Variants in PAXIP1 observed in about 807,000 individuals in gnomAD.
PAXIP1 encodes the protein PAX-interacting protein 1.
A neutral mutation model predicts 140.6 loss-of-function variants in PAXIP1; 19 were observed. The ratio of observed to expected loss-of-function variants is 0.14; its 90% CI spans 0.09 to 0.20. The LOEUF (loss-of-function observed/expected upper bound fraction) is 0.20, where lower values mean the gene tolerates loss of function less well. PAXIP1 is among the 10% of genes least tolerant of loss of function. PAXIP1 has a pLI of 1.00. For missense variants in PAXIP1, 920 were observed against 1,208.6 expected, an observed-to-expected ratio of 0.76 and a Z score of 3.54; for synonymous variants, 442 against 444.6, an observed-to-expected ratio of 0.99 and a Z score of 0.07.
Position 154,998,668 on chromosome 7 carries a change from A to G in PAXIP1, c.198T>C (p.Phe66=). ...TACTGACCTTTACAACAGGTAAGTCAAAGACTTCCCGAGCTTCTCCCACCT... is the reference window on the plus strand; with the variant it reads ...TACTGACCTTTACAACAGGTAAGTCGAAGACTTCCCGAGCTTCTCCCACCT... The part of the protein sequence containing the change: ...NPEVGEAREV[F]DLPVVKPSWV... Residue 66 remains phenylalanine, a synonymous_variant, in exon 2 of 21, where the codon TTT becomes TTC. Coordinates refer to ENST00000404141, the MANE Select transcript of PAXIP1 (RefSeq NM_007349.4). 1 of 1,613,534 alleles carries G rather than the reference A, an allele frequency of 6.2e-7. No homozygotes were observed.
chr7:154,967,973 T>C, intron 7 of PAXIP1, 63 bp from the exon 8 acceptor site: 2 of 1,083,054 alleles, frequency 1.8e-6, no homozygotes, highest in South Asian at 2.9e-5. Context: ...GCACAAAAGT[T>C]AAAAAGTGGC....
At chr7:154,984,524 A>T (rs1809981379) in intron 4 of PAXIP1, among the ~76,000 whole-genome samples, 1 of 152,240 alleles carries the variant, frequency 6.6e-6, no homozygotes, top group African/African-American at 2.4e-5. Context: ...TTTTACAAAC[A>T]TTTCTAGAAA....
intron 2 of PAXIP1, among the ~76,000 whole-genome samples, chr7:154,994,222 CT>C (rs1810474809): frequency 6.6e-6 from 1 of 151,966 alleles, no homozygotes; most frequent in South Asian, 2.1e-4. Flanking sequence ...GTTTGTAAGC[CT>C]GAAAATATTT....
chr7:154,993,294 T>C (rs894448670), intron 3 of PAXIP1, among the ~76,000 whole-genome samples: 2 of 152,200 alleles, frequency 1.3e-5, no homozygotes, highest in Admixed American at 6.5e-5. Flanking sequence ...ACAGCACAGG[T>C]GCACTGAATT....
At chr7:154,967,572 C>T (rs1809078128) in intron 8 of PAXIP1, 1 of 470,948 alleles carries the variant, frequency 2.1e-6, no homozygotes, top group Non-Finnish European at 3.8e-6. Context: ...ATAATTAGTG[C>T]CCCCTGGAAT....
intron 3 of PAXIP1, 26 bp from the exon 4 acceptor site, chr7:154,991,095 A>G (rs762879655): frequency 7.9e-7 from 1 of 1,271,124 alleles, no homozygotes; most frequent in East Asian, 2.6e-5. Context: ...TAAGATTACA[A>G]TGAAATAAGA....
At chr7:154,967,933 A>G in intron 7 of PAXIP1, 23 bp from the exon 8 acceptor site, 2 of 1,521,798 alleles carry the variant, frequency 1.3e-6, no homozygotes, top group Non-Finnish European at 1.8e-6. Context: ...TACATAAGAA[A>G]AAGAAAATTA....
Position 154,946,215 on chromosome 7 carries a change from TGAAGA to T in PAXIP1, c.3194+145_3194+149del. 2.1e-6 allele frequency: 3 copies of T among 1,462,354 alleles called. No homozygotes were observed. The highest frequency in any genetic ancestry group is 2.7e-6 in the Non-Finnish European group (3 of 1,110,476). The allele number at this position is 1,462,354 out of a possible 1,614,324, so 90.6% of individuals were successfully genotyped here. On this transcript the variant is annotated intron_variant, in intron 20 of 20. Coordinates refer to ENST00000404141, the MANE Select transcript of PAXIP1 (RefSeq NM_007349.4). The surrounding 1 kb of genome is among the most constrained non-coding windows in gnomAD (Gnocchi z 4.9). ...TTACTAGCAACTCAAATGAATATTC[TGAAGA>T]GAAAAGAATTGTTCACTGCATAAAT...
chr7:154,982,701 C>T (rs1469881838), intron 5 of PAXIP1, among the ~76,000 whole-genome samples: 1 of 152,158 alleles, frequency 6.6e-6, no homozygotes, highest in Admixed American at 6.5e-5. Context: ...GCTGCTGATC[C>T]AGGGGTCTTA....
intron 5 of PAXIP1, among the ~76,000 whole-genome samples, chr7:154,982,171 C>T (rs1182012278): frequency 6.6e-6 from 1 of 152,152 alleles, no homozygotes; most frequent in Non-Finnish European, 1.5e-5. Flanking sequence ...CTTAAACTGT[C>T]ATGGAAAATA....
intron 9 of PAXIP1, 187 bp from the exon 10 acceptor site, chr7:154,962,645 A>C: frequency 2.0e-6 from 1 of 507,002 alleles, no homozygotes; most frequent in Non-Finnish European, 3.5e-6. Context: ...ATACAACCTA[A>C]AAATGTTACT....
Position 154,968,912 on chromosome 7 carries a change from T to A in PAXIP1, c.1289A>T (p.Gln430Leu), listed in dbSNP as rs1345278524. ...QPQQIMQLQQQQQQQISQQPY... is the reference protein window; with the variant it reads ...QPQQIMQLQQLQQQQISQQPY... ...TTGCTGAGAGATCTGCTGCTGCTGC[T>A]GCTGCTGGAGCTGCATTATCTGCTG... The change falls in exon 7 of 21, where the codon CAG becomes CTG. Residue 430 changes from glutamine (Q) to leucine (L), a missense_variant. Physicochemically the swap from Gln to Leu is moderately radical, Grantham distance 113 (BLOSUM62 -2). Transcript: ENST00000404141. 2.3e-6 allele frequency: 3 copies of A among 1,300,316 alleles called. No individual in the cohort carries two copies. The highest frequency in any genetic ancestry group is 3.3e-6 in the Non-Finnish European group (3 of 918,928). The allele number at this position is 1,300,316 out of a possible 1,614,324, so 80.5% of individuals were successfully genotyped here.
At chr7:154,961,447 TA>T (rs1346546731) in intron 11 of PAXIP1, 79 bp downstream of exon 11, 11 of 1,215,494 alleles carry the variant, frequency 9.0e-6, no homozygotes, top group South Asian at 1.7e-5. Context: ...TATGACATAC[TA>T]AAAAAGGCAC....
intron 2 of PAXIP1, among the ~76,000 whole-genome samples, chr7:154,996,887 T>C (rs1193003038): frequency 6.6e-6 from 1 of 152,198 alleles, no homozygotes; most frequent in Non-Finnish European, 1.5e-5. Context: ...TTCTGGTAGT[T>C]GGCCTGGCAA....
At chr7:154,948,247 A>C (rs181936256) in intron 16 of PAXIP1, 2 of 446,174 alleles carry the variant, frequency 4.5e-6, no homozygotes, top group African/African-American at 4.0e-5. Flanking sequence ...TGGGGTCATA[A>C]ACTCTTGAAA....
chr7:154,963,216 C>A lies in PAXIP1; in HGVS notation c.1989+455G>T, dbSNP rs1013483332. Among the ~76,000 whole-genome samples, 9 of 152,078 alleles carry A rather than the reference C, an allele frequency of 5.9e-5. No homozygotes were observed. Among genetic ancestry groups the A allele is most frequent in the African/African-American group, 2.2e-4 (9 of 41,394 alleles). ...TTTGAGATGGAGTCTCGCTGTGTCACTCAGGCTGGAGTGCAGTGGTGGAAT... is the reference window on the plus strand; with the variant it reads ...TTTGAGATGGAGTCTCGCTGTGTCAATCAGGCTGGAGTGCAGTGGTGGAAT... On this transcript the variant is annotated intron_variant, in intron 9 of 20. Coordinates refer to ENST00000404141, the MANE Select transcript of PAXIP1 (RefSeq NM_007349.4). The surrounding 1 kb of genome is among the most constrained non-coding windows in gnomAD (Gnocchi z 4.1).
intron 2 of PAXIP1, 36 bp from the exon 3 acceptor site, chr7:154,993,805 A>G: frequency 6.7e-7 from 1 of 1,490,260 alleles, no homozygotes; most frequent in Non-Finnish European, 9.1e-7. Flanking sequence ...AAGTATTCTC[A>G]ATTTACAAGT....
At chr7:154,994,175 GTGTT>G (rs1434290479) in intron 2 of PAXIP1, among the ~76,000 whole-genome samples, 2 of 152,110 alleles carry the variant, frequency 1.3e-5, no homozygotes, top group Non-Finnish European at 2.9e-5. Flanking sequence ...AATTCATGAG[GTGTT>G]TGTTTGTTTT....
At position 154,998,743 on chromosome 7, in the gene PAXIP1, G is replaced by A; in HGVS notation, c.123C>T (p.Ser41=). Residue 41 remains serine (S), a synonymous_variant, in exon 2 of 21, where the codon TCC becomes TCT. Transcript: ENST00000404141. ...TTATGTGTGAGGCTAGTGCATTGTA[G>A]GAAACTTCCTTCGCTTTTCCAGCCT... ...LLKAGKAKEV[S]YNALASHIIS... 3 of 1,613,296 alleles carry A rather than the reference G, an allele frequency of 1.9e-6. No individual in the cohort carries two copies. Among genetic ancestry groups the A allele is most frequent in the Non-Finnish European group, 2.5e-6 (3 of 1,179,536 alleles).
Sources: gnomAD v4.1 joint callset for allele counts (sites outside exome capture counted in the v4.1 genomes callset) on GRCh38, gnomAD v4.1.1 for gene constraint, Gnocchi (gnomAD v3.1) non-coding constraint, MANE v1.5 for transcripts, NCBI Gene and HGNC (gene_info 2026-07-23, HGNC 2026-07-21) for gene names.